Variants in LRIG2 observed in about 807,000 individuals in gnomAD.
LRIG2 encodes the protein leucine rich repeats and immunoglobulin like domains 2, also known as leucine-rich repeats and immunoglobulin-like domains protein 2.
A neutral mutation model predicts 107.8 loss-of-function variants in LRIG2; 93 were observed. That is an observed-to-expected ratio of 0.86 (90% CI 0.73 to 1.03). The LOEUF is 1.03. Ranked by LOEUF, LRIG2 falls within the 50% of genes least tolerant of loss-of-function variation. The probability of loss-of-function intolerance (pLI) is 0.00; values close to 1 mark genes in which losing one functional copy is unlikely to be tolerated. For missense variants in LRIG2, 1,226 were observed against 1,296.0 expected (o/e 0.95, Z 0.83); for synonymous variants, 471 against 470.6 (o/e 1.00, Z -0.01).
chr1:113,085,196 T>G lies in LRIG2; in HGVS notation c.240-6122T>G, dbSNP rs560235346. ...AATAATTGCCAGAATAACTAGTGGG[T>G]GATTAGCAGTTTTAAAGTTAAACCA... On this transcript the variant is annotated intron_variant, in intron 1 of 17. Transcript: ENST00000361127. Among the ~76,000 whole-genome samples, 5 of 152,332 alleles carry G rather than the reference T, an allele frequency of 3.3e-5. No homozygotes were observed. The South Asian group carries it at 1.0e-3, about 32-fold the overall frequency.
intron 6 of LRIG2, 93 bp from the exon 7 acceptor site, chr1:113,095,781 A>T: frequency 7.8e-7 from 1 of 1,284,682 alleles, no homozygotes; most frequent in Non-Finnish European, 1.1e-6. Context: ...GAACAAAGGT[A>T]TATGCTTCTC....
At chr1:113,111,103 C>T (rs965773790) in intron 13 of LRIG2, among the ~76,000 whole-genome samples, 7 of 152,072 alleles carry the variant, frequency 4.6e-5, no homozygotes, top group Non-Finnish European at 1.0e-4. Context: ...GGCATGATCT[C>T]GGCTCACTGC....
chr1:113,112,722 CAGG>C lies in LRIG2; in HGVS notation c.2046_2048del (p.Gly683del), dbSNP rs1654827493. ...TATAGCTGCATGGCACAAAATACAG[CAGG>C]AGGTCTCTCAGCAAATGCTTCCCTA... On this transcript the variant is annotated inframe_deletion, in exon 14 of 18. Coordinates refer to ENST00000361127, the MANE Select transcript of LRIG2 (RefSeq NM_014813.3). 1.2e-6 allele frequency: 2 copies of C among 1,608,164 alleles called. No homozygotes were observed. Among genetic ancestry groups the C allele is most frequent in the Middle Eastern group, 1.7e-4 (1 of 6,050 alleles).
In LRIG2 at chr1:113,124,611, C is replaced by T. The variant is rs1384602559; in HGVS notation, c.*510C>T. 1 of 154,566 alleles carries T rather than the reference C, an allele frequency of 6.5e-6. No individual in the cohort carries two copies. Among genetic ancestry groups the T allele is most frequent in the Non-Finnish European group, 1.4e-5 (1 of 69,448 alleles). 9.6% of individuals were successfully genotyped at this position (154,566 alleles called of 1,614,324 possible). On this transcript the variant is annotated 3_prime_UTR_variant, in exon 18 of 18. Coordinates refer to ENST00000361127, the MANE Select transcript of LRIG2 (RefSeq NM_014813.3). ...ATATTCAAGGTCTTTGGCAAGAATC[C>T]CAGGCTTGACCAACTGGTACCAGGT...
chr1:113,129,550 A>ACC lies in LRIG2; in HGVS notation c.*5452_*5453dup, dbSNP rs953935040. Reference sequence around the variant, plus strand: ...TAAATAAACACACACACACACACACACCCCTAGGAAAAGGAATTCCTGAAA... The same window carrying ACC: ...TAAATAAACACACACACACACACACACCCCCCTAGGAAAAGGAATTCCTGAAA... On this transcript the variant is annotated 3_prime_UTR_variant, in exon 18 of 18. Transcript: ENST00000361127. 6.7e-5 allele frequency: 10 copies of ACC among 149,430 alleles called. No individual in the cohort carries two copies. Among genetic ancestry groups the ACC allele is most frequent in the African/African-American group, 2.5e-4 (10 of 40,558 alleles). The allele number at this position is 149,430 out of a possible 1,614,324, so 9.3% of individuals were successfully genotyped here. A position where few individuals can be genotyped will look rare whatever the true frequency, so the allele number is the denominator to read the frequency against.
Position 113,119,465 on chromosome 1 carries a change from T to G in LRIG2, c.2913T>G (p.Phe971Leu), listed in dbSNP as rs781251261. The G allele has an allele frequency of 1.2e-6, 2 of 1,614,022 alleles. No homozygotes were observed. The highest frequency in any genetic ancestry group is 1.3e-5 in the African/African-American group (1 of 74,906). ...IPSANREPSAFPTNHERISEK... is the reference protein window; with the variant it reads ...IPSANREPSALPTNHERISEK... ...CAGCCAACAGAGAGCCATCTGCCTT[T>G]CCCACCAACCATGAGAGGATAAGTG... The change falls in exon 17 of 18, where the codon TTT becomes TTG. Residue 971 changes from phenylalanine (F) to leucine (L), a missense_variant. By Grantham distance (22) the Phe-to-Leu change is conservative. This residue lies in a region of LRIG2 where 642 missense variants were observed against 712.2 expected (regional missense o/e 0.90). Coordinates refer to ENST00000361127, the MANE Select transcript of LRIG2 (RefSeq NM_014813.3).
At chr1:113,108,553 T>C (rs1654635538) in intron 12 of LRIG2, among the ~76,000 whole-genome samples, 1 of 151,460 alleles carries the variant, frequency 6.6e-6, no homozygotes, top group South Asian at 2.1e-4. Flanking sequence ...TATTATTCTT[T>C]CTCAATTTGG....
intron 12 of LRIG2, among the ~76,000 whole-genome samples, chr1:113,109,022 A>G (rs933378622): frequency 1.1e-4 from 16 of 152,226 alleles, no homozygotes; most frequent in African/African-American, 3.9e-4. Flanking sequence ...TGTTTTCACA[A>G]TGTACTTAAA....
intron 16 of LRIG2, among the ~76,000 whole-genome samples, chr1:113,118,481 T>G (rs1003583124): frequency 2.0e-5 from 3 of 152,168 alleles, no homozygotes; most frequent in African/African-American, 7.2e-5. Flanking sequence ...AACTCCTTAT[T>G]CTCTGACTTA....
Position 113,113,527 on chromosome 1 carries a change from CATTTATTTATTT to C in LRIG2, c.2080+808_2080+819del, listed in dbSNP as rs71590539. ...TTGTATAACCAGAAAAATAAGAAGT[CATTTATTTATTT>C]ATTTATTTATTTATTTATTTATTTA... On this transcript the variant is annotated intron_variant, in intron 14 of 17. Transcript: ENST00000361127. Among the ~76,000 whole-genome samples the C allele has an allele frequency of 6.3e-3, 873 of 138,480 alleles. 10 individuals are homozygous for C. The highest frequency in any genetic ancestry group is 0.017 in the African/African-American group (633 of 37,280). The allele number at this position is 138,480 out of a possible 152,430, so 90.8% of individuals were successfully genotyped here.
At chr1:113,100,109 A>G in intron 9 of LRIG2, 102 bp from the exon 10 acceptor site, 1 of 608,930 alleles carries the variant, frequency 1.6e-6, no homozygotes, top group Non-Finnish European at 2.8e-6. Flanking sequence ...AAGTATATAA[A>G]AAAGTACGCT....
At chr1:113,107,057 T>A (rs1654570556) in intron 11 of LRIG2, among the ~76,000 whole-genome samples, 1 of 152,194 alleles carries the variant, frequency 6.6e-6, no homozygotes. Flanking sequence ...TATCTCTTGC[T>A]CTCTCTCCAC....
Position 113,132,201 on chromosome 1 carries a change from G to A in LRIG2, c.*8100G>A, listed in dbSNP as rs777115149. 2.0e-5 allele frequency: 3 copies of A among 152,076 alleles called. No individual in the cohort carries two copies. The highest frequency in any genetic ancestry group is 4.4e-5 in the Non-Finnish European group (3 of 68,000). The allele number at this position is 152,076 out of a possible 1,614,324, so 9.4% of individuals were successfully genotyped here. The stretch of plus-strand genomic sequence containing the variant: ...TCAGAATGTATATTTTATAGAGCAT[G>A]TGTTTGTCTACTTGTTTGTCTACTA... On this transcript the variant is annotated 3_prime_UTR_variant, in exon 18 of 18. Transcript: ENST00000361127.
At chr1:113,104,144 C>G (rs530650728) in intron 11 of LRIG2, among the ~76,000 whole-genome samples, 1 of 152,318 alleles carries the variant, frequency 6.6e-6, no homozygotes, top group African/African-American at 2.4e-5. Context: ...ATCCTGTAAG[C>G]TGTCTTTCTT....
intron 1 of LRIG2, among the ~76,000 whole-genome samples, chr1:113,080,836 GTT>G (rs1007236694): frequency 5.9e-5 from 5 of 84,612 alleles, no homozygotes; most frequent in Admixed American, 1.5e-4. Context: ...AACACTAAAA[GTT>G]TTTTTTTTTT....
intron 17 of LRIG2, among the ~76,000 whole-genome samples, 191 bp from the exon 18 acceptor site, chr1:113,123,684 G>A (rs1655359056): frequency 6.6e-6 from 1 of 151,102 alleles, no homozygotes; most frequent in Admixed American, 6.6e-5. Flanking sequence ...GGTTAGGTTT[G>A]TGAAGTAGAG....
In LRIG2 at chr1:113,116,338, C is replaced by T. The variant is rs371835362; in HGVS notation, c.2582C>T (p.Thr861Met). 20 of 1,613,856 alleles carry T rather than the reference C, an allele frequency of 1.2e-5. No homozygotes were observed. Among genetic ancestry groups the T allele is most frequent in the African/African-American group, 9.3e-5 (7 of 74,926 alleles). ...CCCAGCTACTTGTCTTCCCAAGGAA[C>T]GCTGTCTGAGCCACAGGAAGGCTAC... ...DIPSYLSSQGTLSEPQEGYSN... is the reference protein window; with the variant it reads ...DIPSYLSSQGMLSEPQEGYSN... The change falls in exon 16 of 18, where the codon ACG becomes ATG. Residue 861 changes from threonine to methionine, a missense_variant. Transcript: ENST00000361127.
In LRIG2 at chr1:113,129,666, A is replaced by G. The variant is rs983455171; in HGVS notation, c.*5565A>G. ...CATGAGTATTTCTTCCAGCAGAATC[A>G]TGTCTGCCTAATGCTAATCAGGAAT... On this transcript the variant is annotated 3_prime_UTR_variant, in exon 18 of 18. Transcript: ENST00000361127. The G allele has an allele frequency of 1.3e-5, 2 of 152,198 alleles. No homozygotes were observed. Among genetic ancestry groups the G allele is most frequent in the Non-Finnish European group, 2.9e-5 (2 of 68,042 alleles). 9.4% of individuals were successfully genotyped at this position (152,198 alleles called of 1,614,324 possible).
At chr1:113,082,504 T>G (rs1043141258) in intron 1 of LRIG2, among the ~76,000 whole-genome samples, 2 of 152,220 alleles carry the variant, frequency 1.3e-5, no homozygotes, top group Non-Finnish European at 2.9e-5. Flanking sequence ...GGCATCAGCT[T>G]GGCTTCTGGT....
Sources: gnomAD v4.1 joint callset for allele counts (sites outside exome capture counted in the v4.1 genomes callset) on GRCh38, gnomAD v4.1.1 for gene constraint, gnomAD v4.1.1 regional missense constraint, MANE v1.5 for transcripts, NCBI Gene and HGNC (gene_info 2026-07-23, HGNC 2026-07-21) for gene names.